CPQ: variants seen among roughly 807,000 people sequenced by gnomAD.
CPQ encodes the protein Ser-Met dipeptidase.
CPQ carries 37 observed loss-of-function variants against 45.7 expected under a neutral mutation model. The ratio of observed to expected loss-of-function variants is 0.81; its 90% CI spans 0.62 to 1.07. CPQ has a LOEUF of 1.07. Among genes scored for constraint, CPQ ranks in the 50% least tolerant of loss-of-function variants. The pLI is 0.00. For missense variants in CPQ, 537 were observed against 572.9 expected, an observed-to-expected ratio of 0.94 and a Z score of 0.64; for synonymous variants, 186 against 205.8, an observed-to-expected ratio of 0.90 and a Z score of 0.82.
At chr8:96,922,943 G>A (rs1266165804) in intron 4 of CPQ, among the ~76,000 whole-genome samples, 1 of 152,074 alleles carries the variant, frequency 6.6e-6, no homozygotes, top group Non-Finnish European at 1.5e-5. Flanking sequence ...CAGTCCTCTG[G>A]TGCTTGATTG....
At chr8:97,097,702 G>A (rs1410939889) in intron 7 of CPQ, among the ~76,000 whole-genome samples, 2 of 152,254 alleles carry the variant, frequency 1.3e-5, no homozygotes, top group East Asian at 3.9e-4. Flanking sequence ...CGCCATGCAG[G>A]TATTCAGGTA....
intron 2 of CPQ, among the ~76,000 whole-genome samples, chr8:96,809,861 T>C (rs1374098478): frequency 2.0e-5 from 3 of 152,216 alleles, no homozygotes; most frequent in Non-Finnish European, 4.4e-5. Context: ...TTCTTCTTTA[T>C]AGGCTATATA....
intron 6 of CPQ, among the ~76,000 whole-genome samples, chr8:97,038,579 C>G (rs1375942211): frequency 6.6e-6 from 1 of 152,102 alleles, no homozygotes; most frequent in African/African-American, 2.4e-5. Flanking sequence ...GTACTGGGGC[C>G]TTACTAAGTT....
At chr8:97,126,093 T>C (rs1279115786) in intron 7 of CPQ, among the ~76,000 whole-genome samples, 1 of 152,130 alleles carries the variant, frequency 6.6e-6, no homozygotes, top group Non-Finnish European at 1.5e-5. Context: ...ACAAAGCTTT[T>C]TCAAGGAAAA....
intron 1 of CPQ, among the ~76,000 whole-genome samples, chr8:96,701,266 T>G (rs1185775460): frequency 1.3e-5 from 2 of 152,176 alleles, no homozygotes; most frequent in Admixed American, 1.3e-4. Context: ...ACATCATTCT[T>G]CCAAGGATTT....
intron 2 of CPQ, among the ~76,000 whole-genome samples, chr8:96,815,812 C>G (rs1397633842): frequency 6.6e-6 from 1 of 151,760 alleles, no homozygotes; most frequent in African/African-American, 2.4e-5. Flanking sequence ...TTTCCCAGTA[C>G]ATATAAAAGT....
At chr8:96,724,398 G>A (rs765286567) in intron 1 of CPQ, among the ~76,000 whole-genome samples, 2 of 151,892 alleles carry the variant, frequency 1.3e-5, no homozygotes, top group African/African-American at 4.8e-5. Context: ...GGTATTTAGA[G>A]GTGGGGCCTT....
chr8:97,072,001 A>C (rs373243093), intron 7 of CPQ, among the ~76,000 whole-genome samples: 6 of 152,260 alleles, frequency 3.9e-5, no homozygotes, highest in Middle Eastern at 3.4e-3. Context: ...AATGTCTGTA[A>C]CAGATATCCC....
intron 7 of CPQ, among the ~76,000 whole-genome samples, chr8:97,133,929 T>C (rs1292891989): frequency 6.6e-6 from 1 of 152,066 alleles, no homozygotes; most frequent in African/African-American, 2.4e-5. Context: ...TTTATAAGAG[T>C]GGTGAAAGGT....
At chr8:96,883,509 C>T (rs559098034) in intron 4 of CPQ, among the ~76,000 whole-genome samples, 2 of 152,010 alleles carry the variant, frequency 1.3e-5, no homozygotes, top group African/African-American at 4.8e-5. Flanking sequence ...AAAACTTCTT[C>T]CACAAAGAAG....
rs868250707 is a variant in CPQ, at chr8:96,724,841, T to C, written c.-34-60023T>C. Among the ~76,000 whole-genome samples, 12 of 152,218 alleles carry C rather than the reference T, an allele frequency of 7.9e-5. 1 individual carries two copies. The highest frequency in any genetic ancestry group is 3.4e-3 in the Middle Eastern group (1 of 294). ...AAGAATGAAGCTAGAGGCATCACAT[T>C]ATCCAACTTGTTTATACTATAAGGT... On this transcript the variant is annotated intron_variant, in intron 1 of 7. Coordinates refer to ENST00000220763, the MANE Select transcript of CPQ (RefSeq NM_016134.4).
chr8:96,992,222 G>A, intron 5 of CPQ, among the ~76,000 whole-genome samples: 1 of 152,204 alleles, frequency 6.6e-6, no homozygotes, highest in East Asian at 1.9e-4. Context: ...CAATGGTACT[G>A]TACTAAATGT....
At chr8:96,758,740 GT>G (rs1404803101) in intron 1 of CPQ, among the ~76,000 whole-genome samples, 1 of 152,034 alleles carries the variant, frequency 6.6e-6, no homozygotes, top group Non-Finnish European at 1.5e-5. Context: ...TCATTTTTGT[GT>G]TTTTAATTTA....
At chr8:96,762,116 A>G (rs1176482094) in intron 1 of CPQ, among the ~76,000 whole-genome samples, 1 of 151,080 alleles carries the variant, frequency 6.6e-6, no homozygotes, top group Non-Finnish European at 1.5e-5. Context: ...TGGTTATTAC[A>G]TATTTAGCTG....
chr8:96,949,783 G>C (rs1813234914), intron 4 of CPQ, among the ~76,000 whole-genome samples: 1 of 152,092 alleles, frequency 6.6e-6, no homozygotes, highest in South Asian at 2.1e-4. Flanking sequence ...CTCTTATCCT[G>C]TAGGAGCAGA....
At chr8:96,767,427 T>C (rs574153652) in intron 1 of CPQ, among the ~76,000 whole-genome samples, 4 of 151,582 alleles carry the variant, frequency 2.6e-5, no homozygotes, top group African/African-American at 9.7e-5. Flanking sequence ...TTTTTGGCAC[T>C]CCCTAGAGGA....
chr8:96,821,379 G>GAAAA (rs1811306288), intron 2 of CPQ, among the ~76,000 whole-genome samples: 4 of 151,658 alleles, frequency 2.6e-5, no homozygotes, highest in African/African-American at 9.7e-5. Flanking sequence ...AATGTTCTGG[G>GAAAA]ACATTTCTCC....
intron 1 of CPQ, among the ~76,000 whole-genome samples, chr8:96,778,375 A>G (rs1305154446): frequency 6.6e-6 from 1 of 152,184 alleles, no homozygotes; most frequent in African/African-American, 2.4e-5. Flanking sequence ...TTAGAGAGAT[A>G]TATGATTATG....
intron 7 of CPQ, among the ~76,000 whole-genome samples, chr8:97,079,497 A>C (rs1810911235): frequency 6.6e-6 from 1 of 152,214 alleles, no homozygotes; most frequent in South Asian, 2.1e-4. Context: ...CCAATTTTCA[A>C]ATGAGGCAGT....
Sources: allele counts gnomAD v4.1 joint callset (sites outside exome capture counted in the v4.1 genomes callset), GRCh38; gene constraint gnomAD v4.1.1; transcripts MANE v1.5; gene names NCBI Gene and HGNC (gene_info 2026-07-23, HGNC 2026-07-21).